Variants in NEMP2 observed in about 807,000 individuals in gnomAD.
NEMP2 encodes the protein UPF0571 transmembrane protein.
NEMP2 carries 53 observed loss-of-function variants against 54.2 expected under a neutral mutation model. That is an observed-to-expected ratio of 0.98 (90% CI 0.78 to 1.23). The LOEUF (loss-of-function observed/expected upper bound fraction) is 1.23, where lower values mean the gene tolerates loss of function less well. NEMP2 is among the 50% of genes most tolerant of loss of function. NEMP2 has a pLI of 0.00. For synonymous variants in NEMP2, 197 were observed against 190.3 expected (o/e 1.04, Z -0.29); for missense variants, 455 against 511.3 (o/e 0.89, Z 1.06).
the NEMP2 span, among the ~76,000 whole-genome samples, chr2:190,638,385 T>C: frequency 1.3e-5 from 2 of 151,720 alleles, no homozygotes. This position sits in a 1 kb window ranked among gnomAD's most constrained non-coding sequence, Gnocchi z 5.7. Flanking sequence ...TGAGTGGGAG[T>C]GGAAGGCGAC....
chr2:190,568,640 T>G, the NEMP2 span, among the ~76,000 whole-genome samples: 1 of 152,038 alleles, frequency 6.6e-6, no homozygotes, highest in East Asian at 1.9e-4. This position sits in a 1 kb window ranked among gnomAD's most constrained non-coding sequence, Gnocchi z 4.7. Context: ...CTGACCAACA[T>G]GGAGAAACCC....
In NEMP2 at chr2:190,525,196, A is replaced by C. The variant is rs749288941; in HGVS notation, c.213+67T>G. 58 of 852,886 alleles carry C rather than the reference A, an allele frequency of 6.8e-5. No homozygotes were observed. The highest frequency in any genetic ancestry group is 9.7e-5 in the Non-Finnish European group (52 of 535,106). The allele number at this position is 852,886 out of a possible 1,614,324, so 52.8% of individuals were successfully genotyped here. ...AAATACTTTCTATTCCTGAAGTGGTACATTTCCTGTCCCCAGGACATGGTA... is the reference window on the plus strand; with the variant it reads ...AAATACTTTCTATTCCTGAAGTGGTCCATTTCCTGTCCCCAGGACATGGTA... On this transcript the variant is annotated intron_variant, in intron 2 of 8. Coordinates refer to ENST00000409150, the MANE Select transcript of NEMP2 (RefSeq NM_001142645.2). The surrounding 1 kb of genome is among the most constrained non-coding windows in gnomAD (Gnocchi z 5.0).
At chr2:190,499,016 C>CG in the NEMP2 span, among the ~76,000 whole-genome samples, 1 of 152,118 alleles carries the variant, frequency 6.6e-6, no homozygotes, top group East Asian at 1.9e-4. This position sits in a 1 kb window ranked among gnomAD's most constrained non-coding sequence, Gnocchi z 6.0. Context: ...GGCATGGTGG[C>CG]GGGTGCCTGT....
At chr2:190,433,147 G>A in the NEMP2 span, among the ~76,000 whole-genome samples, 3 of 151,956 alleles carry the variant, frequency 2.0e-5, no homozygotes, top group Non-Finnish European at 2.9e-5. The surrounding 1 kb of genome is among the most constrained non-coding windows in gnomAD (Gnocchi z 4.5). Flanking sequence ...TGTGTTTATT[G>A]TCATTTTAGT....
At chr2:190,488,844 T>C in the NEMP2 span, 2 of 1,513,152 alleles carry the variant, frequency 1.3e-6, no homozygotes, top group Non-Finnish European at 1.8e-6. The surrounding 1 kb of genome is among the most constrained non-coding windows in gnomAD (Gnocchi z 6.4). Flanking sequence ...TCCTTTTTTT[T>C]CTTTTCTATT....
At chr2:190,516,411 C>T (rs1690558558) in intron 5 of NEMP2, 27 bp from the exon 6 acceptor site, 2 of 1,507,078 alleles carry the variant, frequency 1.3e-6, no homozygotes, top group Non-Finnish European at 1.8e-6. Context: ...ATAAATGACA[C>T]ATTTTTTGGT....
At chr2:190,559,712 G>C in the NEMP2 span, among the ~76,000 whole-genome samples, 1 of 152,174 alleles carries the variant, frequency 6.6e-6, no homozygotes, top group Admixed American at 6.5e-5. The surrounding 1 kb of genome is among the most constrained non-coding windows in gnomAD (Gnocchi z 4.0). Flanking sequence ...AAAAGAGGTG[G>C]TGGTTTAGGC....
chr2:190,449,600 A>G, the NEMP2 span, among the ~76,000 whole-genome samples: 3 of 152,170 alleles, frequency 2.0e-5, no homozygotes, highest in Non-Finnish European at 2.9e-5. Flanking sequence ...CAATAGCAAA[A>G]ACTTGGAACC....
the NEMP2 span, chr2:190,437,334 T>C: frequency 6.2e-7 from 1 of 1,614,234 alleles, no homozygotes. This position sits in a 1 kb window ranked among gnomAD's most constrained non-coding sequence, Gnocchi z 5.9. Context: ...CCTTCAACTT[T>C]TGGGACTTAA....
At chr2:190,636,599 G>A in the NEMP2 span, among the ~76,000 whole-genome samples, 5 of 152,210 alleles carry the variant, frequency 3.3e-5, no homozygotes, top group Non-Finnish European at 5.9e-5. Flanking sequence ...CTCACAGGCT[G>A]AGAATGCCCT....
chr2:190,648,516 GTTTT>G, the NEMP2 span: 2 of 123,940 alleles, frequency 1.6e-5, no homozygotes, highest in Non-Finnish European at 3.4e-5. Flanking sequence ...GCGCGCTGTT[GTTTT>G]TTTTTTTTTT....
the NEMP2 span, among the ~76,000 whole-genome samples, chr2:190,478,172 G>A: frequency 0.15 from 22,293 of 152,146 alleles, 1,852 homozygotes; most frequent in Middle Eastern, 0.22. Context: ...GGCAGGCTAC[G>A]ATACATACTT....
At chr2:190,628,312 C>T in the NEMP2 span, 1 of 152,156 alleles carries the variant, frequency 6.6e-6, no homozygotes, top group Non-Finnish European at 1.5e-5. This position sits in a 1 kb window ranked among gnomAD's most constrained non-coding sequence, Gnocchi z 4.1. Flanking sequence ...AAGCAGACGT[C>T]AATGGGAAGT....
chr2:190,525,311 G>T lies in NEMP2; in HGVS notation c.165C>A (p.Tyr55Ter), dbSNP rs1690893816. 1 of 1,550,458 alleles carries T rather than the reference G, an allele frequency of 6.4e-7. No individual in the cohort carries two copies. Among genetic ancestry groups the T allele is most frequent in the East Asian group, 2.4e-5 (1 of 40,878 alleles). The stretch of plus-strand genomic sequence containing the variant: ...TCCACTCCACTTGGGAATTTTGATT[G>T]TAGCAGTAACAGTCTGACTCAGACG... ...IRTSESDCYC[Y>*]NQNSQVEWKY... The change falls in exon 2 of 9, where the codon TAC (tyrosine) becomes TAA (stop). Residue 55 changes from tyrosine (Y) to a stop codon, truncating the protein, a stop_gained. Coordinates refer to ENST00000409150, the MANE Select transcript of NEMP2 (RefSeq NM_001142645.2). LOFTEE classifies it high-confidence loss of function. The surrounding 1 kb of genome is among the most constrained non-coding windows in gnomAD (Gnocchi z 5.0).
At chr2:190,451,399 A>G in the NEMP2 span, among the ~76,000 whole-genome samples, 1 of 152,236 alleles carries the variant, frequency 6.6e-6, no homozygotes, top group Non-Finnish European at 1.5e-5. The surrounding 1 kb of genome is among the most constrained non-coding windows in gnomAD (Gnocchi z 5.0). Context: ...CATTCCTCCA[A>G]CAAGTATTTA....
the NEMP2 span, among the ~76,000 whole-genome samples, chr2:190,574,587 A>G: frequency 1.3e-5 from 2 of 152,038 alleles, no homozygotes; most frequent in Non-Finnish European, 1.5e-5. Context: ...CATCATCTCA[A>G]AAAAAAGCCT....
the NEMP2 span, among the ~76,000 whole-genome samples, chr2:190,427,757 G>A: frequency 6.6e-6 from 1 of 150,384 alleles, no homozygotes; most frequent in Non-Finnish European, 1.5e-5. Flanking sequence ...TTGAGACAGA[G>A]TTTCACTCTT....
chr2:190,612,641 T>G, the NEMP2 span, among the ~76,000 whole-genome samples: 1 of 152,174 alleles, frequency 6.6e-6, no homozygotes, highest in Admixed American at 6.5e-5. Flanking sequence ...ATTTTTTAAG[T>G]CAAAAAAAGT....
chr2:190,631,066 T>C, the NEMP2 span, among the ~76,000 whole-genome samples: 1 of 152,126 alleles, frequency 6.6e-6, no homozygotes, highest in Non-Finnish European at 1.5e-5. Flanking sequence ...AATACTACTT[T>C]GCAGATTTTA....
Sources: gnomAD v4.1 joint callset for allele counts (sites outside exome capture counted in the v4.1 genomes callset) on GRCh38, gnomAD v4.1.1 for gene constraint, Gnocchi (gnomAD v3.1) non-coding constraint, MANE v1.5 for transcripts, NCBI Gene and HGNC (gene_info 2026-07-23, HGNC 2026-07-21) for gene names.